Variants in CD300E observed in about 807,000 individuals in gnomAD.
CD300E encodes CMRF35-like molecule 2.
Under a neutral mutation model 20.9 loss-of-function variants are expected in CD300E, and 14 were observed. That is an observed-to-expected ratio of 0.67 (90% CI 0.44 to 1.05). The LOEUF is 1.05. Ranked by LOEUF, CD300E falls within the 50% of genes least tolerant of loss-of-function variation. The probability of loss-of-function intolerance (pLI) is 0.00; values close to 1 mark genes in which losing one functional copy is unlikely to be tolerated. For missense variants in CD300E, 237 were observed against 253.9 expected, an observed-to-expected ratio of 0.93 and a Z score of 0.45; for synonymous variants, 102 against 103.7, an observed-to-expected ratio of 0.98 and a Z score of 0.10.
intron 2 of CD300E, 53 bp downstream of exon 2, chr17:74,617,065 C>G: frequency 6.7e-7 from 1 of 1,499,544 alleles, no homozygotes; most frequent in South Asian, 1.1e-5. Flanking sequence ...CACCCTTGTT[C>G]CCTTGTCCAG....
chr17:74,620,843 G>A lies in CD300E; in HGVS notation c.40+2739C>T, dbSNP rs547475344. Among the ~76,000 whole-genome samples the A allele has an allele frequency of 2.0e-4, 30 of 151,988 alleles. 1 individual carries two copies. In the South Asian group the frequency reaches 5.6e-3, roughly 28 times the overall value. ...AAGGTGAGCGGATCACTGGAGGTGA[G>A]ACCAGCCTGGCTAACATGGTGAAAT... On this transcript the variant is annotated intron_variant, in intron 1 of 3. Coordinates refer to ENST00000392619, the MANE Select transcript of CD300E (RefSeq NM_181449.3).
In CD300E at chr17:74,612,511, G is replaced by A; in HGVS notation, c.*142C>T. 1 of 1,188,578 alleles carries A rather than the reference G, an allele frequency of 8.4e-7. No homozygotes were observed. Among genetic ancestry groups the A allele is most frequent in the Non-Finnish European group, 1.2e-6 (1 of 853,414 alleles). The allele number at this position is 1,188,578 out of a possible 1,614,324, so 73.6% of individuals were successfully genotyped here. A position where few individuals can be genotyped will look rare whatever the true frequency, so the allele number is the denominator to read the frequency against. On this transcript the variant is annotated 3_prime_UTR_variant, in exon 4 of 4. Transcript: ENST00000392619. ...AGGACTCCAGAGGAGTGTCCTCTAA[G>A]AGCCAGGACCCTCCTTTGAGGCACA... is the stretch of plus-strand genomic sequence containing the variant.
At chr17:74,623,281 T>C (rs927175799) in intron 1 of CD300E, among the ~76,000 whole-genome samples, 5 of 152,190 alleles carry the variant, frequency 3.3e-5, no homozygotes, top group Non-Finnish European at 5.9e-5. Context: ...CATCACCACA[T>C]GAATGAGTCT....
intron 3 of CD300E, among the ~76,000 whole-genome samples, chr17:74,613,265 G>T (rs1217522439): frequency 6.6e-6 from 1 of 152,176 alleles, no homozygotes; most frequent in African/African-American, 2.4e-5. Flanking sequence ...ACCACACCTG[G>T]CTAATTTTGT....
At chr17:74,616,101 A>G (rs1275445643) in intron 2 of CD300E, among the ~76,000 whole-genome samples, 2 of 152,012 alleles carry the variant, frequency 1.3e-5, no homozygotes, top group Non-Finnish European at 2.9e-5. Context: ...GAAAAAAGAA[A>G]ATGTGATCTA....
At chr17:74,613,603 C>T (rs988149945) in intron 3 of CD300E, among the ~76,000 whole-genome samples, 63 of 152,182 alleles carry the variant, frequency 4.1e-4, no homozygotes, top group African/African-American at 1.5e-3. Context: ...TTGAAAAGGG[C>T]CACAGAACTG....
Position 74,617,444 on chromosome 17 carries a change from G to C in CD300E, c.62C>G (p.Pro21Arg). Residue 21 changes from proline to arginine, a missense_variant, in exon 2 of 4, where the codon CCC becomes CGC. Pro to Arg is a moderately radical substitution (Grantham distance 103). Coordinates refer to ENST00000392619, the MANE Select transcript of CD300E (RefSeq NM_181449.3). ...CLSGCLSLKG[P>R]GSVTGTAGDS... ...CCCCGCAGTGCCAGTCACAGAGCCG[G>C]GGCCCTTCAGAGACAAACAGCCTGG... The C allele has an allele frequency of 6.2e-7, 1 of 1,613,330 alleles. No homozygotes were observed. The highest frequency in any genetic ancestry group is 1.1e-5 in the South Asian group (1 of 91,058).
At chr17:74,616,483 C>T (rs543452144) in intron 2 of CD300E, among the ~76,000 whole-genome samples, 1 of 152,244 alleles carries the variant, frequency 6.6e-6, no homozygotes, top group East Asian at 1.9e-4. Flanking sequence ...AGTGGAGGCA[C>T]TGGCAGGACT....
At chr17:74,615,946 C>G (rs1269982161) in intron 2 of CD300E, among the ~76,000 whole-genome samples, 1 of 152,062 alleles carries the variant, frequency 6.6e-6, no homozygotes, top group Admixed American at 6.5e-5. Context: ...ATTAGCCAGG[C>G]ATGGTAGTGC....
In CD300E at chr17:74,617,293, C is replaced by T; in HGVS notation, c.213G>A (p.Glu71=). 1 of 1,614,236 alleles carries T rather than the reference C, an allele frequency of 6.2e-7. No homozygotes were observed. The highest frequency in any genetic ancestry group is 8.5e-7 in the Non-Finnish European group (1 of 1,180,052). ...IVETKGEEKV[E]RNGRVSIRDH... ...CTCTGATGGACACGCGGCCATTCCT[C>T]TCCACCTTCTCTTCTCCCTTGGTCT... Residue 71 remains glutamate (E), a synonymous_variant, in exon 2 of 4, where the codon GAG becomes GAA. Transcript: ENST00000392619.
chr17:74,620,674 A>C (rs923886196), intron 1 of CD300E, among the ~76,000 whole-genome samples: 1 of 151,884 alleles, frequency 6.6e-6, no homozygotes, highest in African/African-American at 2.4e-5. Flanking sequence ...GTAAAGACTT[A>C]TATTTCAGAG....
At chr17:74,616,677 A>G (rs924529418) in intron 2 of CD300E, among the ~76,000 whole-genome samples, 2 of 152,162 alleles carry the variant, frequency 1.3e-5, no homozygotes, top group Non-Finnish European at 2.9e-5. Context: ...TAGGGGGAGT[A>G]AGAGAAAGAG....
Position 74,612,515 on chromosome 17 carries a change from C to T in CD300E, c.*138G>A. The T allele has an allele frequency of 1.6e-6, 2 of 1,235,196 alleles. No homozygotes were observed. Among genetic ancestry groups the T allele is most frequent in the Middle Eastern group, 5.7e-4 (2 of 3,488 alleles). 76.5% of individuals were successfully genotyped at this position (1,235,196 alleles called of 1,614,324 possible). ...CTCCAGAGGAGTGTCCTCTAAGAGCCAGGACCCTCCTTTGAGGCACAGGAA... is the reference window on the plus strand; with the variant it reads ...CTCCAGAGGAGTGTCCTCTAAGAGCTAGGACCCTCCTTTGAGGCACAGGAA... On this transcript the variant is annotated 3_prime_UTR_variant, in exon 4 of 4. Transcript: ENST00000392619.
In CD300E at chr17:74,623,649, A is replaced by G; in HGVS notation, c.-28T>C. The G allele has an allele frequency of 6.2e-7, 1 of 1,613,944 alleles. No homozygotes were observed. Among genetic ancestry groups the G allele is most frequent in the Non-Finnish European group, 8.5e-7 (1 of 1,179,798 alleles). On this transcript the variant is annotated 5_prime_UTR_variant, in exon 1 of 4. Coordinates refer to ENST00000392619, the MANE Select transcript of CD300E (RefSeq NM_181449.3). ...TCCTGTCTCCTTGGCTTCCGTCCTC[A>G]GCAAATCTAGGTCCCAGCTGGAATC...
At position 74,612,247 on chromosome 17, in the gene CD300E, G is replaced by GTCTCTCTCTCTGTCTCTCTCTCTCTC. The variant is rs2030798086; in HGVS notation, c.*405_*406insGAGAGAGAGAGAGACAGAGAGAGAGA. The stretch of plus-strand genomic sequence containing the variant: ...TCGCTCTCTCTCTCTCTCTCTCTCT[G>GTCTCTCTCTCTGTCTCTCTCTCTCTC]TCTCTCTCTCTCTCTCTCTCTCTCT... On this transcript the variant is annotated 3_prime_UTR_variant, in exon 4 of 4. Transcript: ENST00000392619. The GTCTCTCTCTCTGTCTCTCTCTCTCTC allele has an allele frequency of 7.9e-4, 82 of 103,180 alleles. No individual in the cohort carries two copies. The highest frequency in any genetic ancestry group is 2.8e-3 in the African/African-American group (77 of 27,458). 6.4% of individuals were successfully genotyped at this position (103,180 alleles called of 1,614,324 possible).
chr17:74,615,975 A>G (rs990287178), intron 2 of CD300E, among the ~76,000 whole-genome samples: 1 of 152,152 alleles, frequency 6.6e-6, no homozygotes, highest in African/African-American at 2.4e-5. Flanking sequence ...AGTACCAGCT[A>G]CTCAGGGGGC....
rs777931016 is a variant in CD300E at position 74,612,632 on chromosome 17, G to C, written c.*21C>G. ...GCACTCCTGGGGATGGGGCTCTGCA[G>C]GGCTTCGGGTCAGCCTGGCTCTATC... On this transcript the variant is annotated 3_prime_UTR_variant, in exon 4 of 4. Transcript: ENST00000392619. The C allele has an allele frequency of 1.2e-6, 2 of 1,611,996 alleles. No individual in the cohort carries two copies. The highest frequency in any genetic ancestry group is 1.7e-5 in the Admixed American group (1 of 59,984).
chr17:74,611,235 G>C lies in CD300E; in HGVS notation c.*1418C>G, dbSNP rs1360412149. 6.6e-6 allele frequency: 1 copy of C among 152,222 alleles called. No individual in the cohort carries two copies. Among genetic ancestry groups the C allele is most frequent in the Non-Finnish European group, 1.5e-5 (1 of 68,064 alleles). The allele number at this position is 152,222 out of a possible 1,614,324, so 9.4% of individuals were successfully genotyped here. A position where few individuals can be genotyped will look rare whatever the true frequency, so the allele number is the denominator to read the frequency against. On this transcript the variant is annotated 3_prime_UTR_variant, in exon 4 of 4. Transcript: ENST00000392619. Reference sequence around the variant, plus strand: ...CTGGGCCAGCCCCATCTTTCCCCTAGTCACCATGCATGATGGAGCTGGGAG... The same window carrying C: ...CTGGGCCAGCCCCATCTTTCCCCTACTCACCATGCATGATGGAGCTGGGAG...
chr17:74,617,360 C>G lies in CD300E; in HGVS notation c.146G>C (p.Trp49Ser), dbSNP rs1191778235. 1 of 1,614,188 alleles carries G rather than the reference C, an allele frequency of 6.2e-7. No individual in the cohort carries two copies. Among genetic ancestry groups the G allele is most frequent in the South Asian group, 1.1e-5 (1 of 91,072 alleles). ...TGACGTGTCGTACTGTCCTCGGCACCAGTACTTGTTATATCCCTTGTACAT... is the reference window on the plus strand; with the variant it reads ...TGACGTGTCGTACTGTCCTCGGCACGAGTACTTGTTATATCCCTTGTACAT... ...ESMYKGYNKY[W>S]CRGQYDTSCE... is the part of the protein sequence containing the mutation. Residue 49 changes from tryptophan to serine, a missense_variant, in exon 2 of 4, where the codon TGG becomes TCG. Physicochemically the swap from Trp to Ser is radical, Grantham distance 177. Coordinates refer to ENST00000392619, the MANE Select transcript of CD300E (RefSeq NM_181449.3).
Sources: gnomAD v4.1 joint callset for allele counts (sites outside exome capture counted in the v4.1 genomes callset) on GRCh38, gnomAD v4.1.1 for gene constraint, MANE v1.5 for transcripts, NCBI Gene and HGNC (gene_info 2026-07-23, HGNC 2026-07-21) for gene names.